CFAP20DC: variants seen among roughly 807,000 people sequenced by gnomAD.
The protein encoded by CFAP20DC is CFAP20 domain containing, also known as protein CFAP20DC.
In CFAP20DC, 84 loss-of-function variants were observed where a neutral mutation model predicts 101.7. The ratio of observed to expected loss-of-function variants is 0.83; its 90% confidence interval spans 0.69 to 0.99. CFAP20DC has a LOEUF of 0.99. CFAP20DC is among the 50% of genes least tolerant of loss of function. CFAP20DC has a pLI of 0.00. For missense variants in CFAP20DC, 1,007 were observed against 970.3 expected (o/e 1.04, Z -0.50); for synonymous variants, 359 against 351.2 (o/e 1.02, Z -0.25).
At chr3:58,928,717 T>C (rs2086253652) in intron 5 of CFAP20DC, among the ~76,000 whole-genome samples, 1 of 152,170 alleles carries the variant, frequency 6.6e-6, no homozygotes, top group African/African-American at 2.4e-5. Flanking sequence ...AAATGCCCTA[T>C]CTGTTTCTTA....
chr3:58,812,893 AT>A (rs1559629645), intron 14 of CFAP20DC, among the ~76,000 whole-genome samples: 2 of 151,802 alleles, frequency 1.3e-5, no homozygotes, highest in Non-Finnish European at 2.9e-5. Context: ...TCTTTGTGGA[AT>A]TTTTATGCTG....
Position 58,717,584 on chromosome 3 carries a change from G to A in CFAP20DC, c.*4C>T, listed in dbSNP as rs1281010789. 4 of 453,532 alleles carry A rather than the reference G, an allele frequency of 8.8e-6. No individual in the cohort carries two copies. Among genetic ancestry groups the A allele is most frequent in the South Asian group, 3.1e-5 (2 of 63,598 alleles). The allele number at this position is 453,532 out of a possible 1,614,324, so 28.1% of individuals were successfully genotyped here. Reference sequence around the variant, plus strand: ...CTGATATCTTTAGAGTGTGAGTTTTGCCTTCACAGTTGCAAAATGGCTGTA... The same window carrying A: ...CTGATATCTTTAGAGTGTGAGTTTTACCTTCACAGTTGCAAAATGGCTGTA... On this transcript the variant is annotated 3_prime_UTR_variant, in exon 4 of 4. Transcript: ENST00000486145. This position sits in a 1 kb window ranked among gnomAD's most constrained non-coding sequence, Gnocchi z 4.1.
intron 15 of CFAP20DC, among the ~76,000 whole-genome samples, chr3:58,780,509 A>T (rs146528805): frequency 9.0e-4 from 137 of 151,538 alleles, no homozygotes; most frequent in African/African-American, 3.1e-3. Context: ...CTGAATGAAT[A>T]AAAAAAAAGA....
intron 3 of CFAP20DC, among the ~76,000 whole-genome samples, chr3:59,044,995 C>G (rs1220016338): frequency 6.6e-6 from 1 of 150,954 alleles, no homozygotes; most frequent in Non-Finnish European, 1.5e-5. Flanking sequence ...CAGACACACA[C>G]ACACACACAC....
intron 7 of CFAP20DC, among the ~76,000 whole-genome samples, chr3:58,881,135 T>A (rs1278129023): frequency 6.6e-6 from 1 of 152,152 alleles, no homozygotes; most frequent in Non-Finnish European, 1.5e-5. Context: ...ATTTCATGTT[T>A]TTTTGCTCGA....
At chr3:58,898,856 A>T (rs1403526418) in intron 6 of CFAP20DC, among the ~76,000 whole-genome samples, 1 of 147,734 alleles carries the variant, frequency 6.8e-6, no homozygotes, top group African/African-American at 2.5e-5. Context: ...CTCATCTTTG[A>T]GTTGGGTTTT....
intron 15 of CFAP20DC, among the ~76,000 whole-genome samples, chr3:58,767,915 G>A (rs1312334310): frequency 6.6e-6 from 1 of 152,178 alleles, no homozygotes; most frequent in African/African-American, 2.4e-5. Flanking sequence ...TCATCTTCAA[G>A]TAGTTTTGGC....
chr3:58,770,451 G>A (rs904028837), intron 15 of CFAP20DC, among the ~76,000 whole-genome samples: 4 of 152,192 alleles, frequency 2.6e-5, no homozygotes, highest in Admixed American at 1.3e-4. Flanking sequence ...TGAAGTAAGT[G>A]TTAGATAGAG....
intron 15 of CFAP20DC, among the ~76,000 whole-genome samples, chr3:58,779,797 A>G (rs1317524525): frequency 6.6e-6 from 1 of 152,158 alleles, no homozygotes; most frequent in African/African-American, 2.4e-5. Flanking sequence ...CTATTTAGCA[A>G]ATTGATAATG....
chr3:58,879,887 A>G (rs2081090846), intron 7 of CFAP20DC, among the ~76,000 whole-genome samples: 1 of 152,140 alleles, frequency 6.6e-6, no homozygotes, highest in African/African-American at 2.4e-5. Context: ...CTATTAAACC[A>G]TAAACTAAAA....
At chr3:58,835,638 G>T (rs773323542) in intron 13 of CFAP20DC, among the ~76,000 whole-genome samples, 1 of 152,082 alleles carries the variant, frequency 6.6e-6, no homozygotes, top group Non-Finnish European at 1.5e-5. Context: ...CCCTGGAAGG[G>T]GCAGCCAAAA....
intron 3 of CFAP20DC, among the ~76,000 whole-genome samples, chr3:58,730,158 G>A (rs2067618267): frequency 1.3e-5 from 2 of 152,188 alleles, no homozygotes; most frequent in South Asian, 4.2e-4. Flanking sequence ...AAGCTTTTGA[G>A]ATCTGTTGCA....
chr3:58,746,371 G>A (rs2068206724), intron 16 of CFAP20DC, among the ~76,000 whole-genome samples: 1 of 152,120 alleles, frequency 6.6e-6, no homozygotes. Context: ...GCACGTAAGA[G>A]TTATATGCTA....
Position 58,758,940 on chromosome 3 carries a change from T to G in CFAP20DC, c.2238-5077A>C, listed in dbSNP as rs547084621. ...ATTTTCTTAATCCAGTCTATCATTG[T>G]TGGACATTTGGGTTGGTTCCAAGTC... is the stretch of plus-strand genomic sequence containing the variant. On this transcript the variant is annotated intron_variant, in intron 15 of 16. Coordinates refer to ENST00000482387, the MANE Select transcript of CFAP20DC (RefSeq NM_001394063.1). 1.9e-3 allele frequency among the ~76,000 whole-genome samples: 287 copies of G among 152,260 alleles called. 2 individuals are homozygous for G. The highest frequency in any genetic ancestry group is 6.7e-3 in the African/African-American group (277 of 41,538).
intron 4 of CFAP20DC, among the ~76,000 whole-genome samples, chr3:58,944,647 T>A (rs1559872507): frequency 6.7e-6 from 1 of 149,392 alleles, no homozygotes; most frequent in African/African-American, 2.6e-5. Context: ...TACAGTATGG[T>A]GAGAACCACA....
rs114913300 is a variant in CFAP20DC, at chr3:58,963,284, T to C, written c.279-25522A>G. 3.5e-3 allele frequency among the ~76,000 whole-genome samples: 535 copies of C among 151,352 alleles called. 8 individuals are homozygous for C. The highest frequency in any genetic ancestry group is 0.012 in the African/African-American group (486 of 41,258). The stretch of plus-strand genomic sequence containing the variant: ...AATTTGTTGTAAGAGTTGATGTCCA[T>C]AGTCCTGAAATGGTTATTATTGACT... On this transcript the variant is annotated intron_variant, in intron 4 of 16. Transcript: ENST00000482387.
chr3:58,930,363 G>A (rs192604729), intron 5 of CFAP20DC, among the ~76,000 whole-genome samples: 1 of 152,242 alleles, frequency 6.6e-6, no homozygotes, highest in East Asian at 1.9e-4. Context: ...CCAAAGCACA[G>A]AACTGACTGT....
intron 3 of CFAP20DC, among the ~76,000 whole-genome samples, chr3:59,045,799 G>A (rs1380305563): frequency 2.0e-5 from 3 of 152,022 alleles, no homozygotes; most frequent in African/African-American, 7.2e-5. Context: ...TTAATTTCTT[G>A]TATTTAGGAA....
chr3:58,951,068 A>AAAAC (rs2090047590), intron 4 of CFAP20DC, among the ~76,000 whole-genome samples: 1 of 151,720 alleles, frequency 6.6e-6, no homozygotes, highest in Non-Finnish European at 1.5e-5. Context: ...TTACAAGAAA[A>AAAAC]AAACAACCCC....
Sources: allele counts gnomAD v4.1 joint callset (sites outside exome capture counted in the v4.1 genomes callset), GRCh38; gene constraint gnomAD v4.1.1; non-coding constraint Gnocchi (gnomAD v3.1); transcripts MANE v1.5; gene names NCBI Gene and HGNC (gene_info 2026-07-23, HGNC 2026-07-21).